PHEX: variants seen among roughly 807,000 people sequenced by gnomAD.
The protein encoded by PHEX is phosphate-regulating neutral endopeptidase PHEX.
PHEX carries 16 observed loss-of-function variants against 68.0 expected under a neutral mutation model. That is an observed-to-expected ratio of 0.24 (90% CI 0.16 to 0.36). The LOEUF (loss-of-function observed/expected upper bound fraction) is 0.36, where lower values mean the gene tolerates loss of function less well. PHEX is among the 10% of genes least tolerant of loss of function. The pLI is 1.00. For synonymous variants in PHEX, 208 were observed against 205.1 expected (o/e 1.01, Z -0.12); for missense variants, 480 against 575.5 (o/e 0.83, Z 1.70).
intron 2 of PHEX, among the ~76,000 whole-genome samples, chrX:22,039,425 C>G (rs1015108403): frequency 1.8e-5 from 2 of 112,086 alleles, no homozygotes; most frequent in African/African-American, 6.5e-5. Context: ...TGGAGTTGCC[C>G]CAAAAGCAGC....
intron 3 of PHEX, among the ~76,000 whole-genome samples, chrX:22,070,372 C>T (rs764886142): frequency 4.9e-4 from 55 of 111,617 alleles, no homozygotes; most frequent in Non-Finnish European, 8.5e-4. Context: ...CTGACACTGA[C>T]GTGAAGATTT....
chrX:22,073,635 GTTTTT>G (rs1182752837), intron 3 of PHEX, among the ~76,000 whole-genome samples: 1 of 53,214 alleles, frequency 1.9e-5, no homozygotes, highest in African/African-American at 7.7e-5. Context: ...CTGTGCTATA[GTTTTT>G]TTTTTTTTTT....
At chrX:22,188,091 C>T (rs1934088025) in intron 14 of PHEX, among the ~76,000 whole-genome samples, 1 of 111,738 alleles carries the variant, frequency 8.9e-6, no homozygotes, top group South Asian at 3.8e-4. Flanking sequence ...TCATAGACTT[C>T]TTTGTAGCTG....
At chrX:22,232,326 GTTAA>G (rs1398559545) in intron 20 of PHEX, among the ~76,000 whole-genome samples, 1 of 110,690 alleles carries the variant, frequency 9.0e-6, no homozygotes, top group Non-Finnish European at 1.9e-5. Context: ...GGATATCCTT[GTTAA>G]TTAATTTTCT....
At chrX:22,133,646 A>T in intron 12 of PHEX, 22 bp downstream of exon 12, 3 of 1,099,624 alleles carry the variant, frequency 2.7e-6, no homozygotes, top group Middle Eastern at 4.9e-4. Flanking sequence ...TTTTGATGAA[A>T]AAAAAATAAG....
chrX:22,198,333 TA>T (rs1054489367), intron 15 of PHEX, among the ~76,000 whole-genome samples: 1 of 108,209 alleles, frequency 9.2e-6, no homozygotes, highest in African/African-American at 3.4e-5. Flanking sequence ...CATTAGCTAT[TA>T]GTCCTTGCTT....
At chrX:22,247,603 T>A (rs368916593) in intron 21 of PHEX, among the ~76,000 whole-genome samples, 111 of 112,377 alleles carry the variant, frequency 9.9e-4, no homozygotes, top group African/African-American at 3.3e-3. Flanking sequence ...GATGATACAG[T>A]TTTAAAAGAA....
chrX:22,067,680 T>C (rs1309890591), intron 3 of PHEX, among the ~76,000 whole-genome samples: 1 of 111,440 alleles, frequency 9.0e-6, no homozygotes, highest in Non-Finnish European at 1.9e-5. Flanking sequence ...TTTAAAGTAG[T>C]TGTTCTCAAA....
intron 5 of PHEX, among the ~76,000 whole-genome samples, chrX:22,089,895 C>G (rs914597469): frequency 2.7e-5 from 3 of 111,452 alleles, no homozygotes; most frequent in Non-Finnish European, 5.7e-5. Flanking sequence ...TGATTCCATT[C>G]AAATAAAAAA....
rs1929163738 is a variant in PHEX, at chrX:22,076,613, G to GA, written c.436+139_436+140insA. ...GTTTAAAGGTGTTAAAGGAATGATT[G>GA]TGAAAGACTGGATTTTGACTAGTCC... On this transcript the variant is annotated intron_variant, in intron 4 of 21. Coordinates refer to ENST00000379374, the MANE Select transcript of PHEX (RefSeq NM_000444.6). 6.0e-6 allele frequency: 3 copies of GA among 502,857 alleles called. No homozygotes were observed. In the Admixed American group the frequency reaches 9.3e-5, roughly 16 times the overall value. 41.4% of individuals were successfully genotyped at this position (502,857 alleles called of 1,213,427 possible).
At chrX:22,079,900 A>G (rs1345685411) in intron 5 of PHEX, among the ~76,000 whole-genome samples, 1 of 111,791 alleles carries the variant, frequency 8.9e-6, no homozygotes, top group Non-Finnish European at 1.9e-5. Context: ...GAAAGGATTG[A>G]TCTAGGCAAT....
intron 14 of PHEX, among the ~76,000 whole-genome samples, chrX:22,187,071 T>G (rs746209253): frequency 8.9e-5 from 10 of 112,264 alleles, no homozygotes; most frequent in Admixed American, 1.9e-4. Flanking sequence ...ATTGCTACTG[T>G]AACAAACTCC....
chrX:22,100,202 G>A, intron 9 of PHEX, among the ~76,000 whole-genome samples: 1 of 112,078 alleles, frequency 8.9e-6, no homozygotes. Flanking sequence ...CATGGACCAG[G>A]AATGTCAGCA....
chrX:22,068,191 TTAG>T (rs754423869), intron 3 of PHEX, among the ~76,000 whole-genome samples: 1 of 111,430 alleles, frequency 9.0e-6, no homozygotes, highest in Admixed American at 9.6e-5. Flanking sequence ...AACCACTGGC[TTAG>T]ACTAGAGCAA....
At chrX:22,034,626 C>A (rs184238427) in intron 1 of PHEX, among the ~76,000 whole-genome samples, 1 of 111,961 alleles carries the variant, frequency 8.9e-6, no homozygotes, top group African/African-American at 3.2e-5. Context: ...CTGGCTCTCA[C>A]CTTGACTCTC....
chrX:22,088,039 A>C lies in PHEX; in HGVS notation c.664-2390A>C, dbSNP rs746324552. On this transcript the variant is annotated intron_variant, in intron 5 of 21. Coordinates refer to ENST00000379374, the MANE Select transcript of PHEX (RefSeq NM_000444.6). ...CCCATCATCCACCCCCAAATACCTCATGTTATCCCTTTGCTAAGTCAAGCC... is the reference window on the plus strand; with the variant it reads ...CCCATCATCCACCCCCAAATACCTCCTGTTATCCCTTTGCTAAGTCAAGCC... Among the ~76,000 whole-genome samples the C allele has an allele frequency of 1.5e-4, 17 of 111,918 alleles. No individual in the cohort carries two copies. The East Asian group carries it at 4.2e-3, about 28-fold the overall frequency.
chrX:22,199,422 T>C (rs978217276), intron 15 of PHEX, among the ~76,000 whole-genome samples: 3 of 112,227 alleles, frequency 2.7e-5, no homozygotes, highest in Non-Finnish European at 5.6e-5. Flanking sequence ...CAGTTACCTA[T>C]GGGCAACCAA....
intron 8 of PHEX, among the ~76,000 whole-genome samples, chrX:22,098,671 G>A (rs1488219105): frequency 1.9e-5 from 2 of 104,253 alleles, no homozygotes; most frequent in Non-Finnish European, 3.9e-5. Context: ...GGTGGCAGGT[G>A]CCTGTAATCC....
intron 15 of PHEX, among the ~76,000 whole-genome samples, chrX:22,197,644 C>G (rs1312181173): frequency 1.8e-5 from 2 of 111,331 alleles, no homozygotes; most frequent in Non-Finnish European, 3.8e-5. Context: ...GATACAGAAC[C>G]ACCCAAATAA....
Sources: allele counts gnomAD v4.1 joint callset (sites outside exome capture counted in the v4.1 genomes callset), GRCh38; gene constraint gnomAD v4.1.1; transcripts MANE v1.5; gene names NCBI Gene and HGNC (gene_info 2026-07-23, HGNC 2026-07-21).